Variants in ABCB4 observed in about 807,000 individuals in gnomAD.
ABCB4 encodes the protein ATP binding cassette subfamily B member 4, also known as phosphatidylcholine translocator ABCB4.
A neutral mutation model predicts 145.7 loss-of-function variants in ABCB4; 76 were observed. That is an observed-to-expected ratio of 0.52 (90% CI 0.43 to 0.63). The LOEUF (loss-of-function observed/expected upper bound fraction) is 0.63, where lower values mean the gene tolerates loss of function less well. Ranked by LOEUF, ABCB4 falls within the 30% of genes least tolerant of loss-of-function variation. ABCB4 has a pLI of 0.00. For synonymous variants in ABCB4, 517 were observed against 566.8 expected (o/e 0.91, Z 1.25); for missense variants, 1,234 against 1,553.1 (o/e 0.79, Z 3.45).
intron 10 of ABCB4, 86 bp from the exon 11 acceptor site, chr7:87,443,859 A>G (rs564808017): frequency 2.0e-6 from 2 of 996,214 alleles, no homozygotes; most frequent in Non-Finnish European, 3.1e-6. Context: ...AATTCCAAAA[A>G]TAGGACCTGG....
chr7:87,411,833 T>C lies in ABCB4; in HGVS notation c.2924+60A>G, dbSNP rs570755181. The C allele has an allele frequency of 3.9e-6, 6 of 1,553,100 alleles. No homozygotes were observed. In the African/African-American group the frequency reaches 5.5e-5, roughly 14 times the overall value. On this transcript the variant is annotated intron_variant, in intron 23 of 27. Coordinates refer to ENST00000649586, the MANE Select transcript of ABCB4 (RefSeq NM_000443.4). The stretch of plus-strand genomic sequence containing the variant: ...GTCATTTTTTTCCTACTCTAAACTT[T>C]TGCATAAACCTACTAAAACCTTATT...
intron 16 of ABCB4, among the ~76,000 whole-genome samples, chr7:87,424,388 T>C (rs1184571318): frequency 2.6e-5 from 4 of 152,194 alleles, no homozygotes; most frequent in African/African-American, 9.7e-5. Flanking sequence ...ACTGTATTGG[T>C]GTGACAGTCA....
chr7:87,418,847 C>A (rs1313614936), intron 19 of ABCB4, among the ~76,000 whole-genome samples: 1 of 152,122 alleles, frequency 6.6e-6, no homozygotes, highest in Non-Finnish European at 1.5e-5. Flanking sequence ...GGGGGCAGGG[C>A]TCACCCAGAT....
intron 24 of ABCB4, among the ~76,000 whole-genome samples, 195 bp from the exon 25 acceptor site, chr7:87,408,429 T>C (rs1312538890): frequency 6.6e-6 from 1 of 152,164 alleles, no homozygotes; most frequent in Non-Finnish European, 1.5e-5. Flanking sequence ...GGGGTATAGG[T>C]GAGATTAGAC....
At chr7:87,444,149 A>T (rs932279912) in intron 10 of ABCB4, among the ~76,000 whole-genome samples, 1 of 152,218 alleles carries the variant, frequency 6.6e-6, no homozygotes, top group African/African-American at 2.4e-5. Flanking sequence ...TTTAGTGAAA[A>T]TTAGCTCATT....
rs777104264 is a variant in ABCB4, at chr7:87,439,775, G to A, written c.1623C>T (p.Ile541=). The A allele has an allele frequency of 1.2e-5, 20 of 1,614,130 alleles. No individual in the cohort carries two copies. Among genetic ancestry groups the A allele is most frequent in the Non-Finnish European group, 1.6e-5 (19 of 1,180,024 alleles). ...AQLSGGQKQR[I]AIARALVRNP... ...TGCGAACCAGGGCACGTGCAATGGCGATCCTCTGCTTCTGCCCACCACTCA... is the reference window on the plus strand; with the variant it reads ...TGCGAACCAGGGCACGTGCAATGGCAATCCTCTGCTTCTGCCCACCACTCA... The change falls in exon 14 of 28, where the codon ATC becomes ATT. Residue 541 remains isoleucine, a synonymous_variant. Transcript: ENST00000649586.
chr7:87,465,943 TG>T (rs538235269), intron 3 of ABCB4, among the ~76,000 whole-genome samples: 448 of 151,956 alleles, frequency 2.9e-3, no homozygotes, highest in African/African-American at 0.01. Flanking sequence ...ACCACAAAGA[TG>T]GGGAAAAAAC....
At position 87,472,691 on chromosome 7, in the gene ABCB4, T is replaced by C. The variant is rs45552835; in HGVS notation, c.81-16A>G. ...TTTTTGTTTGCTGTAAAAAATAGAA[T>C]TGCTTCAATTTAAAACTGTTACAAA... is the stretch of plus-strand genomic sequence containing the variant. On this transcript the variant is annotated splice_polypyrimidine_tract_variant and intron_variant, in intron 2 of 27. Transcript: ENST00000649586. 1,988 of 1,540,926 alleles carry C rather than the reference T, an allele frequency of 1.3e-3. 20 individuals are homozygous for C. In the African/African-American group the frequency reaches 0.023, roughly 18 times the overall value.
the ABCB4 span, among the ~76,000 whole-genome samples, chr7:87,387,367 A>G: frequency 6.7e-6 from 1 of 150,216 alleles, no homozygotes; most frequent in South Asian, 2.1e-4. Flanking sequence ...CTTGCTCTTT[A>G]TTTTCTAGTT....
intron 26 of ABCB4, 70 bp downstream of exon 26, chr7:87,406,218 G>T: frequency 1.4e-6 from 2 of 1,475,418 alleles, no homozygotes; most frequent in Non-Finnish European, 1.9e-6. Context: ...AGATTTTGTT[G>T]GCATAACTTT....
At chr7:87,403,365 G>A in intron 26 of ABCB4, 84 bp from the exon 27 acceptor site, 1 of 1,272,096 alleles carries the variant, frequency 7.9e-7, no homozygotes, top group Non-Finnish European at 1.1e-6. Context: ...AACATTTAGA[G>A]TCAATAACAG....
Position 87,457,823 on chromosome 7 carries a change from C to G in ABCB4, c.287-3231G>C, listed in dbSNP as rs45554931. Among the ~76,000 whole-genome samples, 278 of 152,278 alleles carry G rather than the reference C, an allele frequency of 1.8e-3. 1 individual carries two copies. The highest frequency in any genetic ancestry group is 6.4e-3 in the African/African-American group (266 of 41,570). On this transcript the variant is annotated intron_variant, in intron 4 of 27. Transcript: ENST00000649586. ...TAAGGATTAGATAGGGAAACATAGT[C>G]TTCATTTTCACTTTTGAGTCTCAAA...
At chr7:87,414,403 G>C (rs552579821) in intron 21 of ABCB4, among the ~76,000 whole-genome samples, 1 of 152,316 alleles carries the variant, frequency 6.6e-6, no homozygotes, top group Non-Finnish European at 1.5e-5. Context: ...AGATGTATAG[G>C]AAGACTCAGA....
At chr7:87,398,933 T>C (rs1206138611), downstream of ABCB4, 5 of 302,986 alleles carry the variant, frequency 1.7e-5, no homozygotes, top group Non-Finnish European at 2.4e-5. Flanking sequence ...CTACAAACTT[T>C]AACAATGCAA....
At position 87,426,944 on chromosome 7, in the gene ABCB4, A is replaced by AGTGT. The variant is rs10647775; in HGVS notation, c.1894-28_1894-25dup. 0.25 allele frequency: 252,169 copies of AGTGT among 1,022,500 alleles called. 9,337 individuals are homozygous for AGTGT. The highest frequency in any genetic ancestry group is 0.3 in the Middle Eastern group (1,059 of 3,514). 63.3% of individuals were successfully genotyped at this position (1,022,500 alleles called of 1,614,324 possible). A position where few individuals can be genotyped will look rare whatever the true frequency, so the allele number is the denominator to read the frequency against. ...GTCTGAAAGAATATCAAGACATTAA[A>AGTGT]GTGTGTGTGTGTGTGTGTGTGTGTG... On this transcript the variant is annotated intron_variant, in intron 15 of 27. Transcript: ENST00000649586.
chr7:87,468,468 G>A (rs990511032), intron 3 of ABCB4, among the ~76,000 whole-genome samples: 2 of 152,116 alleles, frequency 1.3e-5, no homozygotes, highest in African/African-American at 4.8e-5. Context: ...AGGAGGAACT[G>A]GTACCATTCC....
chr7:87,452,341 G>A (rs1180359004), intron 6 of ABCB4: 1 of 170,292 alleles, frequency 5.9e-6, no homozygotes, highest in Non-Finnish European at 1.2e-5. Flanking sequence ...TGAAGTCTTT[G>A]TGGAGGTTTA....
intron 16 of ABCB4, 108 bp downstream of exon 16, chr7:87,426,642 C>G: frequency 2.7e-6 from 3 of 1,112,284 alleles, no homozygotes; most frequent in Non-Finnish European, 4.0e-6. Context: ...GAGTATGGCT[C>G]ATAGTAGCAG....
intron 14 of ABCB4, among the ~76,000 whole-genome samples, chr7:87,439,041 G>T (rs1584739494): frequency 6.6e-6 from 1 of 152,080 alleles, no homozygotes; most frequent in Non-Finnish European, 1.5e-5. Flanking sequence ...TTTACATTGT[G>T]TTGTTAATAC....
Sources: gnomAD v4.1 joint callset for allele counts (sites outside exome capture counted in the v4.1 genomes callset) on GRCh38, gnomAD v4.1.1 for gene constraint, MANE v1.5 for transcripts, NCBI Gene and HGNC (gene_info 2026-07-23, HGNC 2026-07-21) for gene names.